The following XYLT1 variants were observed in gnomAD, a reference collection of about 807,000 sequenced individuals.
XYLT1 encodes beta-D-xylosyltransferase 1.
XYLT1 carries 36 observed loss-of-function variants against 91.3 expected under a neutral mutation model. The ratio of observed to expected loss-of-function variants is 0.39; its 90% confidence interval spans 0.30 to 0.52. The LOEUF (loss-of-function observed/expected upper bound fraction) is 0.52. Among genes scored for constraint, XYLT1 ranks in the 20% least tolerant of loss-of-function variants. The pLI is 0.68. For synonymous variants in XYLT1, 588 were observed against 532.0 expected (o/e 1.11, Z -1.45); for missense variants, 1,242 against 1,284.5 (o/e 0.97, Z 0.51).
chr16:17,330,114 C>CACACACACAT (rs1347682729), intron 2 of XYLT1, among the ~76,000 whole-genome samples: 3 of 151,556 alleles, frequency 2.0e-5, no homozygotes, highest in African/African-American at 7.3e-5. Context: ...TACACACACA[C>CACACACACAT]ACACACACAC....
rs148662059 is a variant in XYLT1 at position 17,440,482 on chromosome 16, C to T, written c.363+29952G>A. 1.8e-3 allele frequency among the ~76,000 whole-genome samples: 274 copies of T among 152,312 alleles called. 2 individuals carry two copies. The highest frequency in any genetic ancestry group is 6.4e-3 in the African/African-American group (265 of 41,578). ...ATTCAATGTCAGCCATTTCTATCAG[C>T]TCTTTCTCGTTCTTTGATCTTAATT... On this transcript the variant is annotated intron_variant, in intron 1 of 11. Coordinates refer to ENST00000261381, the MANE Select transcript of XYLT1 (RefSeq NM_022166.4).
At chr16:17,229,601 A>T (rs1284314374) in intron 3 of XYLT1, among the ~76,000 whole-genome samples, 1 of 152,190 alleles carries the variant, frequency 6.6e-6, no homozygotes, top group Admixed American at 6.5e-5. Context: ...GAACAAGCCC[A>T]TTCACCCTAA....
chr16:17,127,595 A>G (rs2030304614), intron 10 of XYLT1, 71 bp downstream of exon 10: 14 of 1,508,576 alleles, frequency 9.3e-6, no homozygotes, highest in Middle Eastern at 3.7e-4. Context: ...TAGAAGTGTC[A>G]GATAGTGGAG....
intron 2 of XYLT1, among the ~76,000 whole-genome samples, chr16:17,307,172 G>A (rs2034482740): frequency 6.6e-6 from 1 of 152,082 alleles, no homozygotes; most frequent in Admixed American, 6.6e-5. Context: ...TCCGCCTCCC[G>A]GGTTCAAGCA....
At chr16:17,417,446 C>T (rs758154665) in intron 1 of XYLT1, among the ~76,000 whole-genome samples, 12 of 152,036 alleles carry the variant, frequency 7.9e-5, no homozygotes, top group Non-Finnish European at 1.3e-4. Context: ...ATTACTCTGA[C>T]CTCCCTTCTT....
intron 5 of XYLT1, among the ~76,000 whole-genome samples, chr16:17,190,376 T>G (rs565518730): frequency 6.6e-6 from 1 of 152,086 alleles, no homozygotes; most frequent in African/African-American, 2.4e-5. Context: ...ACATGTGCCA[T>G]GTTGGTGTGC....
At chr16:17,212,154 C>G (rs1250280687) in intron 3 of XYLT1, among the ~76,000 whole-genome samples, 1 of 152,146 alleles carries the variant, frequency 6.6e-6, no homozygotes, top group Non-Finnish European at 1.5e-5. Flanking sequence ...AGCCCCAACC[C>G]CAAACCTTCT....
intron 1 of XYLT1, among the ~76,000 whole-genome samples, chr16:17,409,865 G>A (rs966816512): frequency 6.6e-6 from 1 of 152,106 alleles, no homozygotes; most frequent in Non-Finnish European, 1.5e-5. Flanking sequence ...ACATTTTTAG[G>A]GTGTGTGTAT....
chr16:17,335,036 C>A lies in XYLT1; in HGVS notation c.402+22976G>T, dbSNP rs532923251. ...GCCAGGAGTTCGAAATGAGCCTGGC[C>A]AACATGGCATAACCCCATGTCTACT... On this transcript the variant is annotated intron_variant, in intron 2 of 11. Transcript: ENST00000261381. Among the ~76,000 whole-genome samples, 6 of 151,880 alleles carry A rather than the reference C, an allele frequency of 4.0e-5. No individual in the cohort carries two copies. In the South Asian group the frequency reaches 1.2e-3, roughly 32 times the overall value.
chr16:17,452,183 T>TG (rs1245506962), intron 1 of XYLT1, among the ~76,000 whole-genome samples: 1 of 152,202 alleles, frequency 6.6e-6, no homozygotes, highest in African/African-American at 2.4e-5. Context: ...TTTGTATGGT[T>TG]GGGTCATTAA....
intron 2 of XYLT1, among the ~76,000 whole-genome samples, chr16:17,321,506 C>T (rs1306893282): frequency 6.6e-6 from 1 of 151,716 alleles, no homozygotes; most frequent in Non-Finnish European, 1.5e-5. Context: ...TACAGGAATG[C>T]ACCACCACGC....
intron 1 of XYLT1, among the ~76,000 whole-genome samples, chr16:17,468,677 A>G (rs2036933997): frequency 6.6e-6 from 1 of 152,104 alleles, no homozygotes; most frequent in South Asian, 2.1e-4. Context: ...GAAATCAGCT[A>G]GCCCTGCCTC....
At chr16:17,399,408 C>T (rs1375205057) in intron 1 of XYLT1, among the ~76,000 whole-genome samples, 2 of 152,146 alleles carry the variant, frequency 1.3e-5, no homozygotes, top group Non-Finnish European at 2.9e-5. Context: ...CTCCAGGCCT[C>T]CAGCACTGAG....
chr16:17,365,180 T>TA (rs961399051), intron 1 of XYLT1, among the ~76,000 whole-genome samples: 2 of 152,142 alleles, frequency 1.3e-5, no homozygotes, highest in African/African-American at 4.8e-5. Flanking sequence ...TGCCTTGCCC[T>TA]AAAAAACCTG....
intron 1 of XYLT1, among the ~76,000 whole-genome samples, chr16:17,438,127 C>T (rs1321654195): frequency 6.6e-6 from 1 of 152,026 alleles, no homozygotes; most frequent in African/African-American, 2.4e-5. Context: ...CCCTTAATGG[C>T]CAGAGAGGGA....
rs528063074 is a variant in XYLT1, at chr16:17,397,430, G to A, written c.364-39380C>T. ...TGGCTGGGATACATCATAATAAACC[G>A]CCTTTCCGGCTTCTATTAAAAACTC... is the stretch of plus-strand genomic sequence containing the variant. On this transcript the variant is annotated intron_variant, in intron 1 of 11. Coordinates refer to ENST00000261381, the MANE Select transcript of XYLT1 (RefSeq NM_022166.4). Among the ~76,000 whole-genome samples the A allele has an allele frequency of 4.6e-5, 7 of 151,994 alleles. No homozygotes were observed. The East Asian group carries it at 7.7e-4, about 17-fold the overall frequency.
chr16:17,230,025 A>G (rs1054950696), intron 3 of XYLT1, among the ~76,000 whole-genome samples: 1 of 152,216 alleles, frequency 6.6e-6, no homozygotes, highest in African/African-American at 2.4e-5. Flanking sequence ...AAGAAACACC[A>G]AGGAACGCCA....
chr16:17,412,486 C>T (rs907321078), intron 1 of XYLT1, among the ~76,000 whole-genome samples: 5 of 139,816 alleles, frequency 3.6e-5, no homozygotes, highest in Non-Finnish European at 4.5e-5. Flanking sequence ...AAATAAAACT[C>T]GTGTAAACAG....
At chr16:17,424,599 G>A (rs1038079667) in intron 1 of XYLT1, among the ~76,000 whole-genome samples, 9 of 152,078 alleles carry the variant, frequency 5.9e-5, no homozygotes, top group South Asian at 2.1e-4. Flanking sequence ...AGCCGGGTGC[G>A]GTGGCTCATG....
Sources: allele counts gnomAD v4.1 joint callset (sites outside exome capture counted in the v4.1 genomes callset), GRCh38; gene constraint gnomAD v4.1.1; transcripts MANE v1.5; gene names NCBI Gene and HGNC (gene_info 2026-07-23, HGNC 2026-07-21).